Variants in FANCL observed in about 807,000 individuals in gnomAD.
The protein encoded by FANCL is E3 ubiquitin-protein ligase FANCL.
In FANCL, 69 loss-of-function variants were observed where a neutral mutation model predicts 59.4. That is an observed-to-expected ratio of 1.16 (90% confidence interval 0.96 to 1.42). The LOEUF (loss-of-function observed/expected upper bound fraction) is 1.42. FANCL is among the 40% of genes most tolerant of loss of function. FANCL has a pLI of 0.00. For missense variants in FANCL, 519 were observed against 447.2 expected (o/e 1.16, Z -1.45); for synonymous variants, 180 against 147.1 (o/e 1.22, Z -1.62).
At chr2:58,170,696 A>C (rs1466871572) in intron 7 of FANCL, among the ~76,000 whole-genome samples, 1 of 147,446 alleles carries the variant, frequency 6.8e-6, no homozygotes, top group African/African-American at 2.5e-5. Context: ...ATGGAAAGCA[A>C]AAAAAAAAAA....
intron 7 of FANCL, among the ~76,000 whole-genome samples, chr2:58,172,240 G>C (rs958479568): frequency 6.6e-6 from 1 of 152,220 alleles, no homozygotes; most frequent in African/African-American, 2.4e-5. Context: ...CAGCTTTGAA[G>C]AGAGCAGTGG....
chr2:58,170,251 A>G (rs571330868), intron 7 of FANCL, among the ~76,000 whole-genome samples: 1 of 152,324 alleles, frequency 6.6e-6, no homozygotes, highest in East Asian at 1.9e-4. Flanking sequence ...TAAAGAAAAG[A>G]ATTTTCAAAC....
At chr2:58,179,316 C>T (rs548489193) in intron 7 of FANCL, among the ~76,000 whole-genome samples, 1 of 152,282 alleles carries the variant, frequency 6.6e-6, no homozygotes, top group African/African-American at 2.4e-5. Context: ...AAGCATCATG[C>T]TACCTGACTT....
intron 7 of FANCL, among the ~76,000 whole-genome samples, chr2:58,168,300 C>T (rs939705167): frequency 2.6e-5 from 4 of 151,916 alleles, no homozygotes; most frequent in East Asian, 1.9e-4. Context: ...CCACAGAGGG[C>T]GAGCCAAAGC....
At chr2:58,176,755 G>C (rs1419314211) in intron 7 of FANCL, among the ~76,000 whole-genome samples, 1 of 152,106 alleles carries the variant, frequency 6.6e-6, no homozygotes, top group East Asian at 1.9e-4. Context: ...AAAAGCAATG[G>C]CAACAAAAGC....
At chr2:58,208,042 G>A (rs1174192277) in intron 5 of FANCL, among the ~76,000 whole-genome samples, 2 of 152,202 alleles carry the variant, frequency 1.3e-5, no homozygotes, top group South Asian at 2.1e-4. Context: ...CTTGGTGAAA[G>A]ACAGAGACCA....
At chr2:58,216,745 A>T (rs906287375) in intron 5 of FANCL, among the ~76,000 whole-genome samples, 1 of 152,014 alleles carries the variant, frequency 6.6e-6, no homozygotes, top group Non-Finnish European at 1.5e-5. Flanking sequence ...CTTCCCATTC[A>T]CACACAGGTA....
At chr2:58,197,503 C>T (rs1385311087) in intron 7 of FANCL, among the ~76,000 whole-genome samples, 1 of 152,100 alleles carries the variant, frequency 6.6e-6, no homozygotes, top group African/African-American at 2.4e-5. Flanking sequence ...GAACTATGCC[C>T]TAACTAATCA....
intron 1 of FANCL, among the ~76,000 whole-genome samples, chr2:58,234,963 T>G (rs1277306568): frequency 1.3e-5 from 2 of 151,974 alleles, no homozygotes; most frequent in African/African-American, 4.8e-5. Context: ...GCGAGGACAG[T>G]GATCCTTGAA....
chr2:58,207,181 C>G (rs886174384), intron 5 of FANCL, among the ~76,000 whole-genome samples: 11 of 152,154 alleles, frequency 7.2e-5, no homozygotes, highest in Admixed American at 6.6e-5. Context: ...TCTCTTCCCT[C>G]CTCTTACTCT....
chr2:58,239,376 T>C lies in FANCL; in HGVS notation c.96+1842A>G, dbSNP rs191373985. Among the ~76,000 whole-genome samples, 11 of 152,288 alleles carry C rather than the reference T, an allele frequency of 7.2e-5. No individual in the cohort carries two copies. In the East Asian group the frequency reaches 1.7e-3, roughly 24 times the overall value. On this transcript the variant is annotated intron_variant, in intron 1 of 13. Coordinates refer to ENST00000233741, the MANE Select transcript of FANCL (RefSeq NM_018062.4). The stretch of plus-strand genomic sequence containing the variant: ...CCAAAAATGCATTAGCTGAATTTAA[T>C]AGTGAGGAAATATCATCCAAACCCA...
intron 3 of FANCL, among the ~76,000 whole-genome samples, chr2:58,227,462 G>A (rs1693132864): frequency 6.6e-6 from 1 of 152,152 alleles, no homozygotes; most frequent in Non-Finnish European, 1.5e-5. Flanking sequence ...AAGGGAGACG[G>A]TTTTCCCCTG....
intron 1 of FANCL, among the ~76,000 whole-genome samples, chr2:58,235,203 G>A (rs75004186): frequency 1.4e-4 from 21 of 152,072 alleles, no homozygotes; most frequent in Non-Finnish European, 1.9e-4. Flanking sequence ...AAACGCCAGC[G>A]AATTTCAGAG....
intron 7 of FANCL, among the ~76,000 whole-genome samples, chr2:58,178,330 C>A (rs548928579): frequency 8.7e-4 from 132 of 152,194 alleles, no homozygotes; most frequent in African/African-American, 3.1e-3. Flanking sequence ...TGAAAATCCT[C>A]AACAAAATAC....
At chr2:58,212,156 T>C (rs903140662) in intron 5 of FANCL, among the ~76,000 whole-genome samples, 2 of 152,240 alleles carry the variant, frequency 1.3e-5, no homozygotes, top group Admixed American at 6.5e-5. Flanking sequence ...CAGTTCCACA[T>C]GGCTGGGGAA....
intron 3 of FANCL, among the ~76,000 whole-genome samples, chr2:58,229,004 T>TA (rs1693309117): frequency 6.6e-6 from 1 of 152,136 alleles, no homozygotes; most frequent in Admixed American, 6.5e-5. Context: ...AACATATCCT[T>TA]AAAAAAACTT....
At chr2:58,191,478 A>G (rs1688912387) in intron 7 of FANCL, among the ~76,000 whole-genome samples, 1 of 151,762 alleles carries the variant, frequency 6.6e-6, no homozygotes, top group Non-Finnish European at 1.5e-5. Flanking sequence ...ATTTCTCTCA[A>G]CATCTCTTAT....
At chr2:58,161,077 G>A (rs576152070) in intron 12 of FANCL, among the ~76,000 whole-genome samples, 2 of 152,058 alleles carry the variant, frequency 1.3e-5, no homozygotes, top group African/African-American at 4.8e-5. Flanking sequence ...AAAAGTAGTA[G>A]TATTGGATAT....
At chr2:58,167,642 T>C (rs879777957) in intron 7 of FANCL, among the ~76,000 whole-genome samples, 12 of 152,090 alleles carry the variant, frequency 7.9e-5, no homozygotes, top group South Asian at 4.1e-4. Context: ...AATAAGAAAA[T>C]AGCCAAAAAC....
Sources: gnomAD v4.1 joint callset for allele counts (sites outside exome capture counted in the v4.1 genomes callset) on GRCh38, gnomAD v4.1.1 for gene constraint, MANE v1.5 for transcripts, NCBI Gene and HGNC (gene_info 2026-07-23, HGNC 2026-07-21) for gene names.